The following BCR variants were observed in gnomAD, a reference collection of about 807,000 sequenced individuals.
BCR encodes BCR activator of RhoGEF and GTPase, also known as breakpoint cluster region protein.
Under a neutral mutation model 138.6 loss-of-function variants are expected in BCR, and 58 were observed. That is an observed-to-expected ratio of 0.42 (90% CI 0.34 to 0.52). BCR has a LOEUF of 0.52. Ranked by LOEUF, BCR falls within the 20% of genes least tolerant of loss-of-function variation. BCR has a pLI of 0.06. For missense variants in BCR, 1,599 were observed against 1,727.2 expected, an observed-to-expected ratio of 0.93 and a Z score of 1.32; for synonymous variants, 786 against 730.1, an observed-to-expected ratio of 1.08 and a Z score of -1.23.
intron 16 of BCR, chr22:23,306,632 C>CAG (rs1431667457): frequency 2.6e-5 from 4 of 152,244 alleles, no homozygotes; most frequent in Non-Finnish European, 5.9e-5. Context: ...CCCACACACA[C>CAG]ACAAAAAAGT....
At chr22:23,309,219 C>T (rs538627057) in intron 16 of BCR, among the ~76,000 whole-genome samples, 1 of 152,304 alleles carries the variant, frequency 6.6e-6, no homozygotes, top group South Asian at 2.1e-4. Flanking sequence ...CAGCAGGGCT[C>T]TGGGAGCAGT....
intron 1 of BCR, among the ~76,000 whole-genome samples, chr22:23,226,834 A>G (rs1405680650): frequency 2.0e-5 from 3 of 152,208 alleles, no homozygotes; most frequent in East Asian, 1.9e-4. Flanking sequence ...ATAGCAGAGT[A>G]TCTTTTCAAC....
At chr22:23,236,158 C>T (rs925191738) in intron 1 of BCR, among the ~76,000 whole-genome samples, 1 of 152,176 alleles carries the variant, frequency 6.6e-6, no homozygotes, top group Non-Finnish European at 1.5e-5. Flanking sequence ...TCCTGCACAC[C>T]AGCCAGCCAG....
In BCR at chr22:23,289,603, C is replaced by A; in HGVS notation, c.2689C>A (p.Leu897Met). The change falls in exon 13 of 23, where the codon CTG becomes ATG. Residue 897 changes from leucine (L) to methionine (M), a missense_variant. Leu to Met is a conservative substitution (Grantham distance 15). Around this residue, in one of 4 missense-constraint regions of BCR, gnomAD observed 590 missense variants for 762.4 expected, o/e 0.77. Transcript: ENST00000305877. ...ACTCCAGACTGTCCACAGCATTCCGCTGACCATCAATAAGGAAGGTGGGCC... is the reference window on the plus strand; with the variant it reads ...ACTCCAGACTGTCCACAGCATTCCGATGACCATCAATAAGGAAGGTGGGCC... ...VKLQTVHSIP[L>M]TINKEDDESP... 1 of 1,611,584 alleles carries A rather than the reference C, an allele frequency of 6.2e-7. No individual in the cohort carries two copies. The highest frequency in any genetic ancestry group is 8.5e-7 in the Non-Finnish European group (1 of 1,179,616).
chr22:23,262,516 A>T (rs1022885331), intron 4 of BCR, among the ~76,000 whole-genome samples: 1 of 152,174 alleles, frequency 6.6e-6, no homozygotes, highest in African/African-American at 2.4e-5. Context: ...AGGAGGCTGT[A>T]TTTTGATACA....
chr22:23,195,105 C>T (rs1244481810), intron 1 of BCR, among the ~76,000 whole-genome samples: 4 of 151,704 alleles, frequency 2.6e-5, no homozygotes, highest in Admixed American at 6.6e-5. Context: ...GGTGAAATGT[C>T]GTCTCTACCA....
chr22:23,288,102 C>A lies in BCR; in HGVS notation c.2532C>A (p.Tyr844Ter). The A allele has an allele frequency of 6.2e-7, 1 of 1,613,960 alleles. No homozygotes were observed. Among genetic ancestry groups the A allele is most frequent in the Non-Finnish European group, 8.5e-7 (1 of 1,179,924 alleles). Residue 844 changes from tyrosine (Y) to a stop codon, truncating the protein, a stop_gained, in exon 12 of 23, where the codon TAC becomes TAA. Transcript: ENST00000305877. LOFTEE classifies it high-confidence loss of function. ...GTTCTTCTTGCCCACCCTAGAGTTA[C>A]ACGTTCCTGATCTCCTCTGACTATG... ...FRVHSRNGKS[Y>*]TFLISSDYER...
intron 1 of BCR, among the ~76,000 whole-genome samples, chr22:23,189,146 C>T (rs2072382974): frequency 6.6e-6 from 1 of 152,206 alleles, no homozygotes; most frequent in African/African-American, 2.4e-5. Context: ...AGGCCTGAGC[C>T]ACTGCGCCCG....
Position 23,198,316 on chromosome 22 carries a change from G to A in BCR, c.1279+16077G>A, listed in dbSNP as rs182510010. On this transcript the variant is annotated intron_variant, in intron 1 of 22. Coordinates refer to ENST00000305877, the MANE Select transcript of BCR (RefSeq NM_004327.4). ...CCGGGGCAGGGCCACATCTTTGTCC[G>A]TGTGCCGAGGAGGGGACTGGTGGGC... The A allele has an allele frequency of 2.1e-5, 9 of 435,780 alleles. No individual in the cohort carries two copies. In the East Asian group the frequency reaches 4.0e-4, roughly 19 times the overall value. 27.0% of individuals were successfully genotyped at this position (435,780 alleles called of 1,614,324 possible).
At position 23,273,066 on chromosome 22, in the gene BCR, CCT is replaced by C. The variant is rs772113193; in HGVS notation, c.1922-7_1922-6del. The stretch of plus-strand genomic sequence containing the variant: ...TCCATGTGCAACCTCTCTCACCTCC[CCT>C]CTCTCTCCACAGCTCTGCTCTACAA... On this transcript the variant is annotated splice_polypyrimidine_tract_variant and intron_variant, in intron 6 of 22. Transcript: ENST00000305877. 5 of 1,611,458 alleles carry C rather than the reference CCT, an allele frequency of 3.1e-6. No individual in the cohort carries two copies. The highest frequency in any genetic ancestry group is 3.4e-4 in the Middle Eastern group (2 of 5,808).
At chr22:23,260,753 G>A (rs535817727) in intron 2 of BCR, 197 bp from the exon 3 acceptor site, 59 of 564,408 alleles carry the variant, frequency 1.0e-4, no homozygotes, top group Admixed American at 3.4e-4. Flanking sequence ...CCCCCTCCCC[G>A]GGATTCTCAG....
intron 1 of BCR, among the ~76,000 whole-genome samples, chr22:23,220,463 G>T (rs2072811712): frequency 6.6e-6 from 1 of 152,176 alleles, no homozygotes; most frequent in Non-Finnish European, 1.5e-5. Context: ...TTTGCTTCCA[G>T]GTTGGGTTCA....
At chr22:23,295,214 C>T in intron 16 of BCR, 59 bp downstream of exon 16, 2 of 1,590,152 alleles carry the variant, frequency 1.3e-6, no homozygotes, top group Non-Finnish European at 1.7e-6. Context: ...TTCATGCAGC[C>T]CCTGGGGACA....
intron 1 of BCR, among the ~76,000 whole-genome samples, chr22:23,195,196 G>A (rs1000563113): frequency 4.6e-5 from 7 of 151,678 alleles, no homozygotes; most frequent in African/African-American, 7.3e-5. Context: ...CGAGGCAGGC[G>A]GATCACCTGA....
At chr22:23,276,804 G>A (rs912408022) in intron 8 of BCR, among the ~76,000 whole-genome samples, 2 of 152,252 alleles carry the variant, frequency 1.3e-5, no homozygotes, top group Non-Finnish European at 2.9e-5. Flanking sequence ...AAAGAAAGAT[G>A]CCAGATGGGC....
chr22:23,285,604 A>G (rs527492313), intron 10 of BCR, among the ~76,000 whole-genome samples: 2 of 152,270 alleles, frequency 1.3e-5, no homozygotes, highest in African/African-American at 2.4e-5. Flanking sequence ...CCACCTGACC[A>G]TTGCTGTGGC....
intron 15 of BCR, among the ~76,000 whole-genome samples, chr22:23,293,895 C>T (rs187420929): frequency 7.9e-5 from 12 of 152,112 alleles, no homozygotes; most frequent in Admixed American, 2.0e-4. Flanking sequence ...AAGCCATGCG[C>T]GCACACGCCT....
chr22:23,261,001 G>C lies in BCR; in HGVS notation c.1513G>C (p.Gly505Arg), dbSNP rs759394069. Residue 505 changes from glycine (G) to arginine (R), a missense_variant, in exon 3 of 23, where the codon GGA (glycine) becomes CGA (arginine). By Grantham distance (125) the Gly-to-Arg change is moderately radical. This residue lies in a region of BCR where 590 missense variants were observed against 762.4 expected (regional missense o/e 0.77). Transcript: ENST00000305877. ...GGAGATGAGAAAATGGGTCCTGTCG[G>C]GAATCCTGGCTAGCGAGGAGACTTA... is the stretch of plus-strand genomic sequence containing the variant. Reference protein sequence around the residue: ...GLEMRKWVLSGILASEETYLS... With the variant: ...GLEMRKWVLSRILASEETYLS... 4.3e-6 allele frequency: 7 copies of C among 1,613,978 alleles called. No homozygotes were observed. Among genetic ancestry groups the C allele is most frequent in the Non-Finnish European group, 5.9e-6 (7 of 1,180,030 alleles).
intron 1 of BCR, among the ~76,000 whole-genome samples, chr22:23,204,314 C>T (rs1433075672): frequency 6.6e-6 from 1 of 152,132 alleles, no homozygotes; most frequent in African/African-American, 2.4e-5. Flanking sequence ...CAGTGAATCA[C>T]GTAGACTCCT....
Sources: allele counts gnomAD v4.1 joint callset (sites outside exome capture counted in the v4.1 genomes callset), GRCh38; gene constraint gnomAD v4.1.1; regional missense constraint gnomAD v4.1.1; transcripts MANE v1.5; gene names NCBI Gene and HGNC (gene_info 2026-07-23, HGNC 2026-07-21).